TMEM131: variants seen among roughly 807,000 people sequenced by gnomAD.
The protein encoded by TMEM131 is transmembrane protein 131.
TMEM131 carries 66 observed loss-of-function variants against 211.6 expected under a neutral mutation model. That is an observed-to-expected ratio of 0.31 (90% CI 0.26 to 0.38). TMEM131 has a LOEUF of 0.38. Ranked by LOEUF, TMEM131 falls within the 10% of genes least tolerant of loss-of-function variation. The pLI, the probability that TMEM131 is intolerant of heterozygous loss-of-function variation, is 1.00. For synonymous variants in TMEM131, 844 were observed against 841.3 expected, an observed-to-expected ratio of 1.00 and a Z score of -0.06; for missense variants, 2,036 against 2,299.3, an observed-to-expected ratio of 0.89 and a Z score of 2.34.
intron 1 of TMEM131, among the ~76,000 whole-genome samples, chr2:97,937,057 T>C (rs1024529796): frequency 6.6e-5 from 10 of 152,178 alleles, no homozygotes; most frequent in Non-Finnish European, 1.2e-4. Flanking sequence ...GTATGGCTCA[T>C]ACATAGGAAA....
At chr2:97,908,595 G>T in intron 3 of TMEM131, 63 bp downstream of exon 3, 1 of 1,220,916 alleles carries the variant, frequency 8.2e-7, no homozygotes, top group Non-Finnish European at 1.2e-6. Context: ...AGAGGAGGGA[G>T]AACCACAGGA....
intron 1 of TMEM131, among the ~76,000 whole-genome samples, chr2:97,990,055 C>T (rs566944116): frequency 1.3e-5 from 2 of 152,288 alleles, no homozygotes; most frequent in African/African-American, 4.8e-5. Flanking sequence ...GAGAATATTC[C>T]ACAAGTCTAG....
chr2:97,890,619 A>G (rs1437552352), intron 3 of TMEM131, among the ~76,000 whole-genome samples: 1 of 152,152 alleles, frequency 6.6e-6, no homozygotes, highest in African/African-American at 2.4e-5. Flanking sequence ...AAAGTTACTA[A>G]TTTTCACGTA....
chr2:97,891,713 C>T (rs976555357), intron 3 of TMEM131, among the ~76,000 whole-genome samples: 3 of 152,200 alleles, frequency 2.0e-5, no homozygotes, highest in Middle Eastern at 3.4e-3. Flanking sequence ...CTAGGATCAA[C>T]TACTACCTAA....
At chr2:97,770,596 A>G (rs1310058315) in intron 33 of TMEM131, among the ~76,000 whole-genome samples, 1 of 152,196 alleles carries the variant, frequency 6.6e-6, no homozygotes, top group Non-Finnish European at 1.5e-5. Flanking sequence ...TCTTTGACTA[A>G]CTTTTCAAAT....
Position 97,936,875 on chromosome 2 carries a change from A to C in TMEM131, c.188-9388T>G, listed in dbSNP as rs570352451. On this transcript the variant is annotated intron_variant, in intron 1 of 40. Coordinates refer to ENST00000186436, the MANE Select transcript of TMEM131 (RefSeq NM_015348.2). ...CTGAATAATTTAATTCAGCTATATT[A>C]AATATATTCAAAGAACTAAAGGAAA... 5.3e-5 allele frequency among the ~76,000 whole-genome samples: 8 copies of C among 152,334 alleles called. No individual in the cohort carries two copies. In the East Asian group the frequency reaches 1.3e-3, roughly 26 times the overall value.
intron 4 of TMEM131, among the ~76,000 whole-genome samples, chr2:97,864,649 A>C (rs1674200097): frequency 6.6e-6 from 1 of 152,180 alleles, no homozygotes; most frequent in Non-Finnish European, 1.5e-5. Flanking sequence ...ATAATGCTGA[A>C]AAAATTTAGA....
intron 3 of TMEM131, among the ~76,000 whole-genome samples, chr2:97,899,861 T>C (rs1007702152): frequency 3.3e-5 from 5 of 152,134 alleles, no homozygotes; most frequent in Admixed American, 3.3e-4. Context: ...AATGCATGCA[T>C]TACCTCACAT....
intron 19 of TMEM131, among the ~76,000 whole-genome samples, chr2:97,808,850 T>C (rs1352292664): frequency 2.0e-5 from 3 of 152,082 alleles, no homozygotes; most frequent in African/African-American, 7.2e-5. Flanking sequence ...AGAGAGGAGA[T>C]GACAATGGAA....
At chr2:97,787,783 A>C (rs980396346) in intron 31 of TMEM131, among the ~76,000 whole-genome samples, 2 of 152,188 alleles carry the variant, frequency 1.3e-5, no homozygotes, top group African/African-American at 4.8e-5. Context: ...AGAGTGTTGC[A>C]TAAGGACTGT....
chr2:97,926,713 G>A (rs1485885669), intron 2 of TMEM131, among the ~76,000 whole-genome samples: 3 of 152,174 alleles, frequency 2.0e-5, no homozygotes, highest in African/African-American at 7.2e-5. Flanking sequence ...CAGTTCACAA[G>A]CTTTTCCATA....
At chr2:97,912,327 T>C (rs1405021273) in intron 2 of TMEM131, among the ~76,000 whole-genome samples, 1 of 151,916 alleles carries the variant, frequency 6.6e-6, no homozygotes, top group Non-Finnish European at 1.5e-5. Context: ...AAAAAGATGA[T>C]CAACCTCAGT....
chr2:97,785,690 C>G (rs761944018), intron 31 of TMEM131, among the ~76,000 whole-genome samples: 1 of 152,224 alleles, frequency 6.6e-6, no homozygotes, highest in Non-Finnish European at 1.5e-5. Context: ...AAATGAAGTT[C>G]TGTGTTCATA....
chr2:97,945,306 T>C (rs1393531561), intron 1 of TMEM131, among the ~76,000 whole-genome samples: 1 of 152,154 alleles, frequency 6.6e-6, no homozygotes, highest in African/African-American at 2.4e-5. Context: ...TGGGAAGGAA[T>C]AGGGTGTGAC....
In TMEM131 at chr2:97,809,610, C is replaced by CT. The variant is rs1681459236; in HGVS notation, c.2055+77dup. On this transcript the variant is annotated intron_variant, in intron 19 of 40. Transcript: ENST00000186436. ...CTAATAAAGAATAACTGACTTTACTCTAAGATTCTAGGAACACAGAGCTAA... is the reference window on the plus strand; with the variant it reads ...CTAATAAAGAATAACTGACTTTACTCTTAAGATTCTAGGAACACAGAGCTAA... The CT allele has an allele frequency of 3.2e-6, 3 of 942,882 alleles. No homozygotes were observed. The South Asian group carries it at 4.3e-5, about 13-fold the overall frequency. 58.4% of individuals were successfully genotyped at this position (942,882 alleles called of 1,614,324 possible). A position where few individuals can be genotyped will look rare whatever the true frequency, so the allele number is the denominator to read the frequency against.
At chr2:97,952,271 A>G (rs1369887403) in intron 1 of TMEM131, among the ~76,000 whole-genome samples, 1 of 152,146 alleles carries the variant, frequency 6.6e-6, no homozygotes, top group East Asian at 1.9e-4. Flanking sequence ...ATCTAACATT[A>G]GGAGAGGAGA....
chr2:97,887,935 G>A, intron 4 of TMEM131, 117 bp downstream of exon 4: 1 of 747,778 alleles, frequency 1.3e-6, no homozygotes, highest in Non-Finnish European at 2.2e-6. Flanking sequence ...TTTTCCTGAT[G>A]ACTAGAACAT....
At chr2:97,925,782 A>T (rs1181920124) in intron 2 of TMEM131, among the ~76,000 whole-genome samples, 1 of 152,002 alleles carries the variant, frequency 6.6e-6, no homozygotes, top group Non-Finnish European at 1.5e-5. Flanking sequence ...TTTTTTACTG[A>T]TTTCTTATCA....
At chr2:97,836,876 C>T (rs1455791949) in intron 8 of TMEM131, among the ~76,000 whole-genome samples, 1 of 152,164 alleles carries the variant, frequency 6.6e-6, no homozygotes, top group Non-Finnish European at 1.5e-5. Context: ...CAATTTTACT[C>T]ACTGCCCTTT....
Sources: gnomAD v4.1 joint callset for allele counts (sites outside exome capture counted in the v4.1 genomes callset) on GRCh38, gnomAD v4.1.1 for gene constraint, MANE v1.5 for transcripts, NCBI Gene and HGNC (gene_info 2026-07-23, HGNC 2026-07-21) for gene names.